SFTPD: variants seen among roughly 807,000 people sequenced by gnomAD.
SFTPD encodes the protein surfactant protein D.
In SFTPD, 18 loss-of-function variants were observed where a neutral mutation model predicts 34.6. The observed-to-expected ratio is 0.52, with a 90% CI of 0.36 to 0.77. The LOEUF (loss-of-function observed/expected upper bound fraction) is 0.77. Among genes scored for constraint, SFTPD ranks in the 30% least tolerant of loss-of-function variants. The probability of loss-of-function intolerance (pLI) is 0.00; values close to 1 mark genes in which losing one functional copy is unlikely to be tolerated. For synonymous variants in SFTPD, 155 were observed against 180.9 expected (o/e 0.86, Z 1.15); for missense variants, 433 against 468.9 (o/e 0.92, Z 0.71).
chr10:79,950,753 A>T (rs1321253151), upstream of SFTPD: 6 of 152,176 alleles, frequency 3.9e-5, no homozygotes, highest in Non-Finnish European at 7.3e-5. Context: ...AGTTTTCCTG[A>T]ATTATTCCCT....
In SFTPD at chr10:79,941,382, G is replaced by A; in HGVS notation, c.667+16C>T. 6.2e-7 allele frequency: 1 copy of A among 1,610,078 alleles called. No homozygotes were observed. The highest frequency in any genetic ancestry group is 8.5e-7 in the Non-Finnish European group (1 of 1,176,402). On this transcript the variant is annotated intron_variant, in intron 6 of 7. Coordinates refer to ENST00000372292, the MANE Select transcript of SFTPD (RefSeq NM_003019.5). ...GCCCCAGCGGGGCTTCCCTGGGCCA[G>A]GAGCTGCTACCTTACCTGGAAGCCC...
chr10:79,960,223 GA>G (rs1463271637), intron 1 of SFTPD, among the ~76,000 whole-genome samples: 2 of 144,716 alleles, frequency 1.4e-5, no homozygotes, highest in African/African-American at 2.6e-5. Context: ...CATTCCCTTT[GA>G]AAACTGGCAC....
rs144910313 is a variant in SFTPD at position 79,942,836 on chromosome 10, A to G, written c.243T>C (p.Ala81=). ...AAGQAGMPGQ[A]GPVGPKGDNG... is the part of the protein sequence containing the mutation. The stretch of plus-strand genomic sequence containing the variant: ...TGTCCCCTTTGGGCCCAACTGGGCC[A>G]GCTTGTCCAGGCATCCCTGCTTGCC... Residue 81 remains alanine (A), a synonymous_variant, in exon 3 of 8, where the codon GCT becomes GCC. Coordinates refer to ENST00000372292, the MANE Select transcript of SFTPD (RefSeq NM_003019.5). The G allele has an allele frequency of 1.1e-5, 18 of 1,614,008 alleles. No individual in the cohort carries two copies. In the African/African-American group the frequency reaches 2.3e-4, roughly 20 times the overall value.
intron 6 of SFTPD, 102 bp downstream of exon 6, chr10:79,941,296 G>T: frequency 1.0e-6 from 1 of 982,960 alleles, no homozygotes; most frequent in Non-Finnish European, 1.6e-6. Context: ...TGCCATTAAT[G>T]GGGCACACAT....
intron 1 of SFTPD, among the ~76,000 whole-genome samples, chr10:79,964,270 A>T (rs868702946): frequency 6.6e-6 from 1 of 152,342 alleles, no homozygotes; most frequent in African/African-American, 2.4e-5. Context: ...TCTATCATTA[A>T]TGCCTCTTTA....
At chr10:79,979,901 G>T (rs1842881552) in intron 1 of SFTPD, among the ~76,000 whole-genome samples, 1 of 152,136 alleles carries the variant, frequency 6.6e-6, no homozygotes, top group Admixed American at 6.6e-5. Flanking sequence ...GAGTAAAGGG[G>T]ACTTTGTCTT....
rs549232360 is a variant in SFTPD, at chr10:79,979,255, G to C, written c.36+3320C>G. Among the ~76,000 whole-genome samples the C allele has an allele frequency of 4.6e-5, 7 of 152,326 alleles. No individual in the cohort carries two copies. The South Asian group carries it at 1.5e-3, about 32-fold the overall frequency. On this transcript the variant is annotated intron_variant, in intron 1 of 5. Transcript: ENST00000444384. ...ATAAAAAATTGAATCAGGAAGCAGA[G>C]CAAGATGGCCAGAGCCCTCCAATGA... is the stretch of plus-strand genomic sequence containing the variant.
At chr10:79,940,897 C>T (rs1376371765) in intron 6 of SFTPD, 109 bp from the exon 7 acceptor site, 1 of 697,318 alleles carries the variant, frequency 1.4e-6, no homozygotes, top group East Asian at 2.6e-5. Context: ...TATTGTGGGG[C>T]TGACCCACAG....
intron 1 of SFTPD, among the ~76,000 whole-genome samples, chr10:79,955,348 T>A (rs183478503): frequency 3.0e-4 from 46 of 152,344 alleles, no homozygotes; most frequent in Admixed American, 2.4e-3. Context: ...ATAATTATAA[T>A]GTTTTGAAGA....
At chr10:79,944,212 T>TGG (rs1471994920) in intron 2 of SFTPD, among the ~76,000 whole-genome samples, 1 of 152,232 alleles carries the variant, frequency 6.6e-6, no homozygotes, top group East Asian at 1.9e-4. Context: ...CTGGAGCCTC[T>TGG]AATACATGCC....
intron 5 of SFTPD, 84 bp from the exon 6 acceptor site, chr10:79,941,598 T>A: frequency 2.0e-6 from 2 of 1,005,414 alleles, no homozygotes; most frequent in Non-Finnish European, 3.0e-6. Context: ...ATACATGGAC[T>A]AACTATCCTT....
intron 1 of SFTPD, among the ~76,000 whole-genome samples, chr10:79,961,249 GT>G (rs1350940487): frequency 6.6e-6 from 1 of 152,170 alleles, no homozygotes; most frequent in East Asian, 1.9e-4. Flanking sequence ...AGGACTTCAT[GT>G]CTAAAACACC....
At chr10:79,963,752 G>A (rs1305609901) in intron 1 of SFTPD, among the ~76,000 whole-genome samples, 1 of 152,106 alleles carries the variant, frequency 6.6e-6, no homozygotes, top group African/African-American at 2.4e-5. Flanking sequence ...ACTTATAAAT[G>A]AGAACATGTG....
At chr10:79,952,678 A>G (rs75904699), upstream of SFTPD, among the ~76,000 whole-genome samples, 2,555 of 152,102 alleles carry the variant, frequency 0.017, 81 homozygotes, top group African/African-American at 0.059. Flanking sequence ...GGTTCTGGGG[A>G]ATGTTCATGG....
At chr10:79,943,140 A>G (rs1842631063) in intron 2 of SFTPD, among the ~76,000 whole-genome samples, 1 of 152,034 alleles carries the variant, frequency 6.6e-6, no homozygotes. Context: ...CCCCTACCCC[A>G]AGGCCACTGT....
chr10:79,982,044 C>T (rs1026500824), intron 1 of SFTPD: 1 of 294,044 alleles, frequency 3.4e-6, no homozygotes, highest in Non-Finnish European at 6.3e-6. Flanking sequence ...CCTGGGGCGG[C>T]GGCCCTGGAC....
intron 1 of SFTPD, among the ~76,000 whole-genome samples, chr10:79,957,471 G>T (rs901313943): frequency 1.3e-5 from 2 of 152,220 alleles, no homozygotes; most frequent in Admixed American, 1.3e-4. Flanking sequence ...TGGTGGAGCT[G>T]AAAGCCAAGG....
chr10:79,959,289 A>G (rs928653271), intron 1 of SFTPD, among the ~76,000 whole-genome samples: 2 of 151,948 alleles, frequency 1.3e-5, no homozygotes, highest in African/African-American at 4.8e-5. Context: ...AGAAATAACT[A>G]AAATCAGAGC....
chr10:79,976,072 G>A (rs564755605), intron 1 of SFTPD, among the ~76,000 whole-genome samples: 2 of 150,870 alleles, frequency 1.3e-5, no homozygotes, highest in South Asian at 4.2e-4. Flanking sequence ...ATTTTGGGGG[G>A]CCTGTTCCCA....
Sources: gnomAD v4.1 joint callset for allele counts (sites outside exome capture counted in the v4.1 genomes callset) on GRCh38, gnomAD v4.1.1 for gene constraint, MANE v1.5 for transcripts, NCBI Gene and HGNC (gene_info 2026-07-23, HGNC 2026-07-21) for gene names.